The following TMEM67 variants were observed in gnomAD, a reference collection of about 807,000 sequenced individuals.
The protein encoded by TMEM67 is transmembrane protein 67, also known as meckelin.
TMEM67 carries 124 observed loss-of-function variants against 136.6 expected under a neutral mutation model. The ratio of observed to expected loss-of-function variants is 0.91; its 90% CI spans 0.78 to 1.05. The LOEUF is 1.05. Ranked by LOEUF, TMEM67 falls within the 50% of genes least tolerant of loss-of-function variation. The pLI, the probability that TMEM67 is intolerant of heterozygous loss-of-function variation, is 0.00. For synonymous variants in TMEM67, 364 were observed against 390.5 expected (o/e 0.93, Z 0.80); for missense variants, 1,107 against 1,178.4 (o/e 0.94, Z 0.89).
At chr8:93,781,814 A>G (rs979936787) in intron 10 of TMEM67, 70 bp downstream of exon 10, 9 of 867,312 alleles carry the variant, frequency 1.0e-5, no homozygotes, top group African/African-American at 3.4e-5. Context: ...CAAGAGGAAA[A>G]GATTATTGTA....
chr8:93,828,990 T>G, the TMEM67 span, among the ~76,000 whole-genome samples: 1 of 152,188 alleles, frequency 6.6e-6, no homozygotes, highest in Admixed American at 6.5e-5. Context: ...TATATTACAT[T>G]TATGCCTATT....
chr8:93,785,407 C>A, intron 12 of TMEM67, 29 bp downstream of exon 12: 1 of 1,600,840 alleles, frequency 6.2e-7, no homozygotes, highest in South Asian at 1.1e-5. Flanking sequence ...CCACTCTTTT[C>A]CCTGAGCAGA....
intron 12 of TMEM67, chr8:93,785,885 G>T (rs1476579843): frequency 3.0e-5 from 9 of 297,496 alleles, no homozygotes; most frequent in Admixed American, 4.9e-5. Flanking sequence ...ACCAACCTAG[G>T]CAACATAATT....
At chr8:93,771,680 TATC>T (rs764724654) in intron 6 of TMEM67, among the ~76,000 whole-genome samples, 89 of 152,380 alleles carry the variant, frequency 5.8e-4, no homozygotes, top group Non-Finnish European at 1.0e-3. Context: ...TTTATAAAAG[TATC>T]ATGTAACTTT....
intron 6 of TMEM67, among the ~76,000 whole-genome samples, chr8:93,766,096 C>T (rs1048852644): frequency 6.6e-6 from 1 of 151,766 alleles, no homozygotes; most frequent in Non-Finnish European, 1.5e-5. Context: ...CAGGATTATT[C>T]TTATTTGGCC....
At chr8:93,791,223 T>G in intron 14 of TMEM67, 40 bp from the exon 15 acceptor site, 1 of 1,361,566 alleles carries the variant, frequency 7.3e-7, no homozygotes. Flanking sequence ...TTGTATCATA[T>G]AATTTCAGTA....
chr8:93,763,554 A>G (rs1812941324), intron 3 of TMEM67, among the ~76,000 whole-genome samples: 1 of 152,336 alleles, frequency 6.6e-6, no homozygotes, highest in South Asian at 2.1e-4. Context: ...GGAAAAAAAT[A>G]CTGACTTAAT....
chr8:93,826,701 A>G, the TMEM67 span, among the ~76,000 whole-genome samples: 2 of 152,214 alleles, frequency 1.3e-5, no homozygotes, highest in African/African-American at 4.8e-5. Flanking sequence ...CCCTAATGTC[A>G]TGATCCACAA....
the TMEM67 span, among the ~76,000 whole-genome samples, chr8:93,826,044 G>A: frequency 6.7e-6 from 1 of 148,874 alleles, no homozygotes; most frequent in Non-Finnish European, 1.5e-5. Flanking sequence ...TTCTATAGTT[G>A]TGCTATCTTG....
intron 3 of TMEM67, among the ~76,000 whole-genome samples, chr8:93,761,236 T>G (rs961328605): frequency 6.6e-6 from 1 of 152,020 alleles, no homozygotes. Flanking sequence ...GAGGTGGAGG[T>G]TACAGTGAGC....
rs1238720463 is a variant in TMEM67, at chr8:93,766,320, GT to G, written c.651+675del. On this transcript the variant is annotated intron_variant, in intron 6 of 27. Coordinates refer to ENST00000453321, the MANE Select transcript of TMEM67 (RefSeq NM_153704.6). ...TTTTCAGTAGAGATGGGATTTCACTGTGTTGGCCAGGCTGGTCTTGAACTCC... is the reference window on the plus strand; with the variant it reads ...TTTTCAGTAGAGATGGGATTTCACTGGTTGGCCAGGCTGGTCTTGAACTCC... Among the ~76,000 whole-genome samples, 3 of 152,134 alleles carry G rather than the reference GT, an allele frequency of 2.0e-5. No individual in the cohort carries two copies. In the East Asian group the frequency reaches 5.8e-4, roughly 29 times the overall value.
intron 7 of TMEM67, among the ~76,000 whole-genome samples, chr8:93,779,951 C>G (rs541571972): frequency 2.6e-5 from 4 of 152,332 alleles, no homozygotes; most frequent in Admixed American, 2.6e-4. Flanking sequence ...TTTCTGGTGC[C>G]TTTTGTTCAG....
chr8:93,758,630 T>A (rs1452111879), intron 3 of TMEM67, 54 bp downstream of exon 3: 1 of 1,443,346 alleles, frequency 6.9e-7, no homozygotes, highest in Non-Finnish European at 9.7e-7. Flanking sequence ...TTCTTGTTTT[T>A]GTTTTTATTT....
chr8:93,818,158 CA>C (rs1471194820), downstream of TMEM67: 4 of 152,204 alleles, frequency 2.6e-5, no homozygotes, highest in Non-Finnish European at 5.9e-5. Context: ...TCACAATTTA[CA>C]TTTCCTGATC....
chr8:93,793,174 C>T, intron 15 of TMEM67, 24 bp from the exon 16 acceptor site: 1 of 1,596,654 alleles, frequency 6.3e-7, no homozygotes, highest in South Asian at 1.1e-5. Flanking sequence ...TACATAAATT[C>T]TCAATTGTTC....
At chr8:93,787,356 C>G (rs1348149207) in intron 13 of TMEM67, among the ~76,000 whole-genome samples, 1 of 152,260 alleles carries the variant, frequency 6.6e-6, no homozygotes, top group South Asian at 2.1e-4. Context: ...AGTCTTCCCG[C>G]CTTGGCCTCC....
At chr8:93,767,724 GA>G (rs1368559854) in intron 6 of TMEM67, among the ~76,000 whole-genome samples, 3,322 of 100,676 alleles carry the variant, frequency 0.033, 120 homozygotes, top group African/African-American at 0.11. Context: ...GCTTCTGCGT[GA>G]TTTTTTTTTT....
downstream of TMEM67, among the ~76,000 whole-genome samples, chr8:93,822,770 T>C (rs913107217): frequency 6.6e-6 from 1 of 152,206 alleles, no homozygotes; most frequent in African/African-American, 2.4e-5. Context: ...ATAAAGATGA[T>C]ATACTTTCAT....
intron 12 of TMEM67, chr8:93,785,655 A>C (rs1458077995): frequency 3.1e-6 from 1 of 323,776 alleles, no homozygotes; most frequent in Non-Finnish European, 5.6e-6. Context: ...CTTTTTCGTC[A>C]AGCTGTCCCG....
Sources: gnomAD v4.1 joint callset for allele counts (sites outside exome capture counted in the v4.1 genomes callset) on GRCh38, gnomAD v4.1.1 for gene constraint, MANE v1.5 for transcripts, NCBI Gene and HGNC (gene_info 2026-07-23, HGNC 2026-07-21) for gene names.